Variants in SLC25A40 observed in about 807,000 individuals in gnomAD.
SLC25A40 encodes the protein mitochondrial glutathione transporter SLC25A40.
Under a neutral mutation model 46.5 loss-of-function variants are expected in SLC25A40, and 41 were observed. The observed-to-expected ratio is 0.88, with a 90% CI of 0.69 to 1.14. SLC25A40 has a LOEUF of 1.14. Ranked by LOEUF, SLC25A40 falls within the 50% of genes most tolerant of loss-of-function variation. The pLI, the probability that SLC25A40 is intolerant of heterozygous loss-of-function variation, is 0.00. For missense variants in SLC25A40, 386 were observed against 393.6 expected (o/e 0.98, Z 0.16); for synonymous variants, 126 against 127.5 (o/e 0.99, Z 0.08).
intron 1 of SLC25A40, among the ~76,000 whole-genome samples, chr7:87,871,656 C>G (rs1838897604): frequency 6.6e-6 from 1 of 152,172 alleles, no homozygotes; most frequent in South Asian, 2.1e-4. Flanking sequence ...CTGGAATAAA[C>G]CTCCATTTAC....
At chr7:87,869,662 T>C (rs965341181) in intron 1 of SLC25A40, among the ~76,000 whole-genome samples, 2 of 152,220 alleles carry the variant, frequency 1.3e-5, no homozygotes. Flanking sequence ...CATGCATTGA[T>C]ACTTGGTTCC....
chr7:87,858,413 G>A (rs1323779762), intron 3 of SLC25A40, among the ~76,000 whole-genome samples: 1 of 152,124 alleles, frequency 6.6e-6, no homozygotes, highest in Non-Finnish European at 1.5e-5. Flanking sequence ...AAACTTGCTA[G>A]TTTTGCAGCT....
chr7:87,846,252 C>A (rs1838416907), intron 8 of SLC25A40, among the ~76,000 whole-genome samples: 1 of 151,918 alleles, frequency 6.6e-6, no homozygotes, highest in African/African-American at 2.4e-5. Context: ...GTGGTTACCA[C>A]TGGGGTTGTG....
At chr7:87,868,010 G>T (rs2131022158) in intron 1 of SLC25A40, among the ~76,000 whole-genome samples, 1 of 152,334 alleles carries the variant, frequency 6.6e-6, no homozygotes, top group South Asian at 2.1e-4. Context: ...CTTTGGTTCA[G>T]TTATAGAGCA....
chr7:87,847,921 G>A lies in SLC25A40; in HGVS notation c.389C>T (p.Ala130Val). ...TTCTCCTAACTTAGATCTCAGAAGAGCACTTAATTGATCATAGCAGGTAAA... is the reference window on the plus strand; with the variant it reads ...TTCTCCTAACTTAGATCTCAGAAGAACACTTAATTGATCATAGCAGGTAAA... ...IYFTCYDQLS[A>V]LLRSKLGENE... is the part of the protein sequence containing the mutation. The change falls in exon 7 of 12, where the codon GCT (alanine) becomes GTT (valine). Residue 130 changes from alanine to valine, a missense_variant. Coordinates refer to ENST00000341119, the MANE Select transcript of SLC25A40 (RefSeq NM_018843.4). The A allele has an allele frequency of 1.2e-6, 2 of 1,611,348 alleles. No homozygotes were observed. Among genetic ancestry groups the A allele is most frequent in the Non-Finnish European group, 1.7e-6 (2 of 1,178,812 alleles).
At chr7:87,854,337 C>G (rs1203775526) in intron 4 of SLC25A40, 27 bp from the exon 5 acceptor site, 2 of 1,329,180 alleles carry the variant, frequency 1.5e-6, no homozygotes, top group Non-Finnish European at 2.1e-6. Flanking sequence ...CAACAACCAA[C>G]AATTACCTCA....
chr7:87,856,478 T>C (rs918597151), intron 3 of SLC25A40, 127 bp from the exon 4 acceptor site: 3 of 824,540 alleles, frequency 3.6e-6, no homozygotes, highest in Admixed American at 1.8e-5. Flanking sequence ...AGCTTATTTA[T>C]CTTAAAGTAG....
chr7:87,836,360 G>C lies in SLC25A40; in HGVS notation c.906C>G (p.Gly302=). The part of the protein sequence containing the change: ...AKNGFSGLFS[G]LIPRLIKIAP... ...CAATTTTAATTAAGCGAGGAATTAG[G>C]CCTGAGAAAAGAATAGGAATAATCA... The change falls in exon 12 of 12, where the codon GGC becomes GGG. Residue 302 remains glycine, a splice_region_variant and synonymous_variant. Coordinates refer to ENST00000341119, the MANE Select transcript of SLC25A40 (RefSeq NM_018843.4). 6.6e-7 allele frequency: 1 copy of C among 1,511,560 alleles called. No homozygotes were observed. Among genetic ancestry groups the C allele is most frequent in the Non-Finnish European group, 8.8e-7 (1 of 1,131,564 alleles). The allele number at this position is 1,511,560 out of a possible 1,614,324, so 93.6% of individuals were successfully genotyped here. A position where few individuals can be genotyped will look rare whatever the true frequency, so the allele number is the denominator to read the frequency against.
chr7:87,854,264 G>C lies in SLC25A40; in HGVS notation c.204C>G (p.Val68=). The C allele has an allele frequency of 6.2e-7, 1 of 1,613,322 alleles. No individual in the cohort carries two copies. Among genetic ancestry groups the C allele is most frequent in the Non-Finnish European group, 8.5e-7 (1 of 1,179,562 alleles). ...YSNGLMDHLC[V]CEEGGNKLWY... ...ATAGTTTGTTGCCTCCCTCTTCACA[G>C]ACACATAGATGATCCATGAGTCCAT... Residue 68 remains valine (V), a synonymous_variant, in exon 5 of 12, where the codon GTC becomes GTG. Transcript: ENST00000341119.
intron 6 of SLC25A40, among the ~76,000 whole-genome samples, chr7:87,849,530 G>T (rs532311650): frequency 6.6e-6 from 1 of 152,294 alleles, no homozygotes; most frequent in African/African-American, 2.4e-5. Context: ...GAAGCACTTT[G>T]TATACTTCAC....
rs1025965588 is a variant in SLC25A40 at position 87,843,848 on chromosome 7, T to C, written c.647A>G (p.Asn216Ser). The C allele has an allele frequency of 3.8e-6, 6 of 1,599,220 alleles. No homozygotes were observed. In the African/African-American group the frequency reaches 5.4e-5, roughly 14 times the overall value. ...DVPFSAMYWY[N>S]YEILKKWLCE... ...TAACCACTTCTTTAAAATTTCATAG[T>C]TATACCAGTACATTGCTATAAAAAC... Residue 216 changes from asparagine to serine, a missense_variant, in exon 9 of 12, where the codon AAC (asparagine) becomes AGC (serine). Transcript: ENST00000341119.
Position 87,833,850 on chromosome 7 carries a change from T to C in SLC25A40, c.*2399A>G, listed in dbSNP as rs1427430432. 2.0e-5 allele frequency: 3 copies of C among 151,712 alleles called. No homozygotes were observed. The highest frequency in any genetic ancestry group is 4.4e-5 in the Non-Finnish European group (3 of 67,842). 9.4% of individuals were successfully genotyped at this position (151,712 alleles called of 1,614,324 possible). A position where few individuals can be genotyped will look rare whatever the true frequency, so the allele number is the denominator to read the frequency against. The stretch of plus-strand genomic sequence containing the variant: ...CCCTCCACCCTTTGATAGGCCCCAG[T>C]ACATGTTGTTCCAAGAGGGAAAAAT... On this transcript the variant is annotated 3_prime_UTR_variant, in exon 12 of 12. Transcript: ENST00000341119.
intron 1 of SLC25A40, among the ~76,000 whole-genome samples, chr7:87,873,072 T>C (rs574781164): frequency 4.9e-4 from 74 of 152,190 alleles, no homozygotes; most frequent in African/African-American, 1.8e-3. Context: ...TTAATAAAAA[T>C]AGATCAGAAC....
rs543702461 is a variant in SLC25A40 at position 87,846,189 on chromosome 7, A to C, written c.631+760T>G. On this transcript the variant is annotated intron_variant, in intron 8 of 11. Transcript: ENST00000341119. ...CTAAACAATATAATGTTTGGCAATA[A>C]TACATATGTGGGAAAATTAATTCTT... 2.0e-5 allele frequency among the ~76,000 whole-genome samples: 3 copies of C among 152,342 alleles called. No individual in the cohort carries two copies. In the East Asian group the frequency reaches 5.8e-4, roughly 29 times the overall value.
chr7:87,844,561 CAAGT>C (rs941812032), intron 8 of SLC25A40, among the ~76,000 whole-genome samples: 4 of 151,646 alleles, frequency 2.6e-5, no homozygotes, highest in African/African-American at 4.8e-5. Context: ...CACTGGGCAG[CAAGT>C]AAGAAAGAAA....
chr7:87,860,996 T>C (rs115663379), intron 1 of SLC25A40, among the ~76,000 whole-genome samples: 4 of 152,182 alleles, frequency 2.6e-5, no homozygotes, highest in African/African-American at 9.7e-5. Flanking sequence ...CGGTTGTTTT[T>C]TTTGGGAAGG....
chr7:87,859,580 G>A (rs559399159), intron 2 of SLC25A40, among the ~76,000 whole-genome samples: 3 of 151,872 alleles, frequency 2.0e-5, no homozygotes, highest in Admixed American at 1.3e-4. Flanking sequence ...TCAAACACAC[G>A]TACACTTATG....
chr7:87,846,450 T>C (rs997686009), intron 8 of SLC25A40, among the ~76,000 whole-genome samples: 2 of 152,192 alleles, frequency 1.3e-5, no homozygotes, highest in Non-Finnish European at 2.9e-5. Context: ...TTTCATAATT[T>C]TCTCCCTTTT....
intron 1 of SLC25A40, among the ~76,000 whole-genome samples, chr7:87,875,702 AAAAG>A (rs1362654728): frequency 1.4e-5 from 2 of 147,702 alleles, no homozygotes; most frequent in Non-Finnish European, 3.1e-5. Flanking sequence ...ACACTCAACT[AAAAG>A]AAAACAGGTC....
Sources: allele counts gnomAD v4.1 joint callset (sites outside exome capture counted in the v4.1 genomes callset), GRCh38; gene constraint gnomAD v4.1.1; transcripts MANE v1.5; gene names NCBI Gene and HGNC (gene_info 2026-07-23, HGNC 2026-07-21).